DNAH5: variants seen among roughly 807,000 people sequenced by gnomAD.
DNAH5 encodes the protein axonemal beta dynein heavy chain 5.
In DNAH5, 372 loss-of-function variants were observed where a neutral mutation model predicts 518.2. That is an observed-to-expected ratio of 0.72 (90% CI 0.66 to 0.78). DNAH5 has a LOEUF of 0.78. DNAH5 is among the 30% of genes least tolerant of loss of function. The pLI is 0.00. For synonymous variants in DNAH5, 2,039 were observed against 2,025.9 expected (o/e 1.01, Z -0.17); for missense variants, 5,523 against 5,687.0 (o/e 0.97, Z 0.93).
Position 13,814,768 on chromosome 5 carries a change from T to C in DNAH5, c.7067A>G (p.Asn2356Ser). The C allele has an allele frequency of 6.2e-7, 1 of 1,614,076 alleles. No homozygotes were observed. Among genetic ancestry groups the C allele is most frequent in the South Asian group, 1.1e-5 (1 of 91,078 alleles). The change falls in exon 43 of 79, where the codon AAC becomes AGC. Residue 2356 changes from asparagine (N) to serine (S), a missense_variant. Physicochemically the swap from Asn to Ser is conservative, Grantham distance 46. Around this residue, in one of 3 missense-constraint regions of DNAH5, gnomAD observed 5,121 missense variants for 5,223.3 expected, o/e 0.98. Coordinates refer to ENST00000265104, the MANE Select transcript of DNAH5 (RefSeq NM_001369.3). ...ACCATTGGCAAGGGTTAGAGTTTTGTTATCATCCAAAACAGAATTCAGATT... is the reference window on the plus strand; with the variant it reads ...ACCATTGGCAAGGGTTAGAGTTTTGCTATCATCCAAAACAGAATTCAGATT... ...IENLNSVLDD[N>S]KTLTLANGDR...
At chr5:13,871,027 T>A (rs1770024330) in intron 23 of DNAH5, 25 bp from the exon 24 acceptor site, 2 of 1,582,370 alleles carry the variant, frequency 1.3e-6, no homozygotes, top group Non-Finnish European at 1.7e-6. Context: ...ATGTCTACAG[T>A]TCAGTTTTAA....
In DNAH5 at chr5:13,880,773, C is replaced by A. The variant is rs143182348; in HGVS notation, c.3262+1955G>T. ...ACAAAGGAAGAAATAAACAAAGGGT[C>A]TACAAAACAACCAGAAAACAATTAA... is the stretch of plus-strand genomic sequence containing the variant. On this transcript the variant is annotated intron_variant, in intron 21 of 78. Coordinates refer to ENST00000265104, the MANE Select transcript of DNAH5 (RefSeq NM_001369.3). Among the ~76,000 whole-genome samples the A allele has an allele frequency of 2.2e-4, 33 of 151,756 alleles. No individual in the cohort carries two copies. The East Asian group carries it at 6.4e-3, about 29-fold the overall frequency.
intron 14 of DNAH5, chr5:13,900,671 C>T: frequency 2.0e-6 from 1 of 506,890 alleles, no homozygotes; most frequent in East Asian, 3.6e-5. Flanking sequence ...GTGGACACTG[C>T]AACAGTGGTG....
chr5:13,717,202 T>A (rs1744414347), intron 73 of DNAH5, 113 bp downstream of exon 73: 1 of 1,003,068 alleles, frequency 1.0e-6, no homozygotes, highest in African/African-American at 1.6e-5. Context: ...AAGATGACTT[T>A]GCAAGCACAG....
intron 1 of DNAH5, among the ~76,000 whole-genome samples, chr5:13,958,029 A>G (rs538687941): frequency 2.0e-5 from 3 of 151,910 alleles, no homozygotes; most frequent in Non-Finnish European, 4.4e-5. Flanking sequence ...ACATTCTCAT[A>G]TTATTGAATA....
At chr5:13,807,560 G>T in intron 47 of DNAH5, 31 bp downstream of exon 47, 1 of 1,609,388 alleles carries the variant, frequency 6.2e-7, no homozygotes, top group Non-Finnish European at 8.5e-7. Flanking sequence ...CACAAAATTG[G>T]GCTTACTGAG....
chr5:13,803,534 A>T lies in DNAH5; in HGVS notation c.7887+4057T>A, dbSNP rs566434753. On this transcript the variant is annotated intron_variant, in intron 47 of 78. Coordinates refer to ENST00000265104, the MANE Select transcript of DNAH5 (RefSeq NM_001369.3). ...TGGACCCTGGTTTCCAGCTGTTTCC[A>T]GCTTAGGTTCTGCCACCAACTAAGT... Among the ~76,000 whole-genome samples the T allele has an allele frequency of 1.1e-3, 161 of 152,362 alleles. 1 individual carries two copies. In the South Asian group the frequency reaches 0.014, roughly 13 times the overall value.
At chr5:13,793,785 A>C in intron 48 of DNAH5, 57 bp from the exon 49 acceptor site, 1 of 1,586,750 alleles carries the variant, frequency 6.3e-7, no homozygotes, top group South Asian at 1.1e-5. Flanking sequence ...CCGGAGCCTA[A>C]CTCCTTGAGT....
At position 13,752,273 on chromosome 5, in the gene DNAH5, T is replaced by C; in HGVS notation, c.10889A>G (p.His3630Arg). ...RNELQITSLN[H>R]KYFRNHLEDS... ...TTCCAGGTGGTTTCTGAAGTACTTG[T>C]GATTTAAAGACGTGATCTAGGAACA... The change falls in exon 64 of 79, where the codon CAC becomes CGC. Residue 3630 changes from histidine to arginine, a missense_variant. By Grantham distance (29) the His-to-Arg change is conservative. This residue lies in a region of DNAH5 where 5,121 missense variants were observed against 5,223.3 expected (regional missense o/e 0.98). Coordinates refer to ENST00000265104, the MANE Select transcript of DNAH5 (RefSeq NM_001369.3). 1 of 1,614,032 alleles carries C rather than the reference T, an allele frequency of 6.2e-7. No homozygotes were observed. Among genetic ancestry groups the C allele is most frequent in the East Asian group, 2.2e-5 (1 of 44,858 alleles).
chr5:13,756,772 G>A (rs576266382), intron 61 of DNAH5, among the ~76,000 whole-genome samples: 5 of 152,186 alleles, frequency 3.3e-5, no homozygotes, highest in African/African-American at 1.2e-4. Flanking sequence ...TTGTGTCATG[G>A]GGGTTTGTTG....
At chr5:13,790,163 C>A (rs1034644632) in intron 50 of DNAH5, among the ~76,000 whole-genome samples, 2 of 152,086 alleles carry the variant, frequency 1.3e-5, no homozygotes, top group Non-Finnish European at 2.9e-5. Context: ...GAGCTAAAAG[C>A]AGAACTACCA....
intron 40 of DNAH5, 68 bp downstream of exon 40, chr5:13,823,195 C>T: frequency 9.5e-7 from 1 of 1,053,480 alleles, no homozygotes. Flanking sequence ...CCACAGCAGC[C>T]CCACTTTATT....
intron 60 of DNAH5, among the ~76,000 whole-genome samples, chr5:13,761,387 A>G (rs1751749428): frequency 6.6e-6 from 1 of 152,092 alleles, no homozygotes; most frequent in Non-Finnish European, 1.5e-5. Context: ...AGGTCAGGAG[A>G]TCAAGACCAT....
At chr5:13,845,791 C>T (rs1348366902) in intron 31 of DNAH5, among the ~76,000 whole-genome samples, 2 of 146,172 alleles carry the variant, frequency 1.4e-5, no homozygotes, top group Admixed American at 1.4e-4. Context: ...TTTGCTCTTC[C>T]CTTATCATTT....
intron 47 of DNAH5, among the ~76,000 whole-genome samples, chr5:13,795,633 T>C (rs1757710496): frequency 6.6e-6 from 1 of 152,226 alleles, no homozygotes; most frequent in South Asian, 2.1e-4. Flanking sequence ...GAAGAGGAGC[T>C]GTTACCATTC....
intron 1 of DNAH5, among the ~76,000 whole-genome samples, chr5:13,963,879 G>A (rs971849925): frequency 4.6e-5 from 7 of 152,044 alleles, no homozygotes; most frequent in African/African-American, 1.7e-4. Context: ...TTGTAGAGAC[G>A]TGATCTCTAT....
chr5:13,956,685 G>T (rs537263137), intron 1 of DNAH5, among the ~76,000 whole-genome samples: 1 of 152,306 alleles, frequency 6.6e-6, no homozygotes, highest in African/African-American at 2.4e-5. Context: ...TCCTCTATTA[G>T]CAGAGACCGA....
chr5:13,756,257 A>G (rs1213611831), intron 61 of DNAH5, among the ~76,000 whole-genome samples: 3 of 152,208 alleles, frequency 2.0e-5, no homozygotes, highest in African/African-American at 7.2e-5. Flanking sequence ...AAACCCCTGG[A>G]CTTTCATGGA....
At chr5:13,995,926 A>G (rs1446541574) in intron 1 of DNAH5, among the ~76,000 whole-genome samples, 1 of 152,226 alleles carries the variant, frequency 6.6e-6, no homozygotes, top group Non-Finnish European at 1.5e-5. Context: ...TTTGCAGTAC[A>G]GTTTACAGAT....
Sources: allele counts gnomAD v4.1 joint callset (sites outside exome capture counted in the v4.1 genomes callset), GRCh38; gene constraint gnomAD v4.1.1; regional missense constraint gnomAD v4.1.1; transcripts MANE v1.5; gene names NCBI Gene and HGNC (gene_info 2026-07-23, HGNC 2026-07-21).